Variants in GALNT18 observed in about 807,000 individuals in gnomAD.
The protein encoded by GALNT18 is GalNAc-transferase 18.
A neutral mutation model predicts 69.5 loss-of-function variants in GALNT18; 44 were observed. The ratio of observed to expected loss-of-function variants is 0.63; its 90% CI spans 0.50 to 0.81. GALNT18 has a LOEUF of 0.81. Among genes scored for constraint, GALNT18 ranks in the 40% least tolerant of loss-of-function variants. The probability of loss-of-function intolerance (pLI) is 0.00; values close to 1 mark genes in which losing one functional copy is unlikely to be tolerated. For missense variants in GALNT18, 715 were observed against 810.0 expected, an observed-to-expected ratio of 0.88 and a Z score of 1.42; for synonymous variants, 364 against 318.2, an observed-to-expected ratio of 1.14 and a Z score of -1.53.
chr11:11,315,068 GTGTA>G lies in GALNT18; in HGVS notation c.1512+12014_1512+12017del, dbSNP rs1444920588. On this transcript the variant is annotated intron_variant, in intron 9 of 10. Coordinates refer to ENST00000227756, the MANE Select transcript of GALNT18 (RefSeq NM_198516.3). This position sits in a 1 kb window ranked among gnomAD's most constrained non-coding sequence, Gnocchi z 5.6. ...TGTGTGTGTGTGTGTGTGTGTATGT[GTGTA>G]TATATGTGTACATACAGAAGTAAAT... Among the ~76,000 whole-genome samples, 50 of 150,520 alleles carry G rather than the reference GTGTA, an allele frequency of 3.3e-4. No individual in the cohort carries two copies. Among genetic ancestry groups the G allele is most frequent in the Admixed American group, 2.6e-3 (40 of 15,136 alleles).
chr11:11,533,692 G>A (rs1439111983), intron 1 of GALNT18, among the ~76,000 whole-genome samples: 1 of 152,032 alleles, frequency 6.6e-6, no homozygotes, highest in Non-Finnish European at 1.5e-5. Flanking sequence ...TTTTTTTCCT[G>A]CACTTTAAAT....
rs1859967384 is a variant in GALNT18 at position 11,613,608 on chromosome 11, C to T, written c.235+7751G>A. Among the ~76,000 whole-genome samples, 1 of 152,196 alleles carries T rather than the reference C, an allele frequency of 6.6e-6. No individual in the cohort carries two copies. Among genetic ancestry groups the T allele is most frequent in the African/African-American group, 2.4e-5 (1 of 41,448 alleles). The stretch of plus-strand genomic sequence containing the variant: ...AACATCAAGGACCCCTGGGCTCAAG[C>T]ATTGCATTACAGATGGAGCTGACTC... On this transcript the variant is annotated intron_variant, in intron 1 of 10. Coordinates refer to ENST00000227756, the MANE Select transcript of GALNT18 (RefSeq NM_198516.3). This position sits in a 1 kb window ranked among gnomAD's most constrained non-coding sequence, Gnocchi z 4.2.
Position 11,271,139 on chromosome 11 carries a change from G to A in GALNT18, c.*5C>T. 6.2e-7 allele frequency: 1 copy of A among 1,606,410 alleles called. No individual in the cohort carries two copies. The highest frequency in any genetic ancestry group is 8.5e-7 in the Non-Finnish European group (1 of 1,173,666). Reference sequence around the variant, plus strand: ...AAAGAGGCAGCCGGAAGTGGCCCCGGTGGGTCAGGACGCGAGGCTCCTCAG... The same window carrying A: ...AAAGAGGCAGCCGGAAGTGGCCCCGATGGGTCAGGACGCGAGGCTCCTCAG... On this transcript the variant is annotated 3_prime_UTR_variant, in exon 11 of 11. Coordinates refer to ENST00000227756, the MANE Select transcript of GALNT18 (RefSeq NM_198516.3).
chr11:11,281,248 C>T (rs1023168023), intron 10 of GALNT18, among the ~76,000 whole-genome samples: 11 of 151,990 alleles, frequency 7.2e-5, no homozygotes, highest in South Asian at 4.2e-4. Context: ...GCTTTCCTGG[C>T]GGTTAGCTGT....
intron 1 of GALNT18, among the ~76,000 whole-genome samples, chr11:11,529,973 G>C (rs1564996459): frequency 2.0e-5 from 3 of 152,174 alleles, no homozygotes; most frequent in Non-Finnish European, 4.4e-5. Context: ...ACTGAAGGGT[G>C]CTTGAGCAAG....
chr11:11,274,611 T>G (rs1269935635), intron 10 of GALNT18, among the ~76,000 whole-genome samples: 1 of 152,184 alleles, frequency 6.6e-6, no homozygotes, highest in African/African-American at 2.4e-5. Context: ...GCAGTTTTGT[T>G]ACATAGGTAT....
chr11:11,569,525 C>A (rs1044432105), intron 1 of GALNT18, among the ~76,000 whole-genome samples: 2 of 152,318 alleles, frequency 1.3e-5, no homozygotes, highest in South Asian at 4.1e-4. Flanking sequence ...GACCATGGAA[C>A]CTCTGCCCAA....
chr11:11,427,934 C>G (rs1320071916), intron 3 of GALNT18, among the ~76,000 whole-genome samples: 1 of 152,170 alleles, frequency 6.6e-6, no homozygotes, highest in Non-Finnish European at 1.5e-5. Flanking sequence ...AAAACCTAAG[C>G]CCAGAGACCC....
At chr11:11,304,364 G>C (rs1193631947) in intron 9 of GALNT18, among the ~76,000 whole-genome samples, 2 of 152,148 alleles carry the variant, frequency 1.3e-5, no homozygotes, top group Non-Finnish European at 2.9e-5. Flanking sequence ...AATACAGTTA[G>C]CTTGTTCATT....
At position 11,621,286 on chromosome 11, in the gene GALNT18, C is replaced by A; in HGVS notation, c.235+73G>T. 1.6e-6 allele frequency: 2 copies of A among 1,277,626 alleles called. No individual in the cohort carries two copies. The highest frequency in any genetic ancestry group is 1.3e-5 in the South Asian group (1 of 77,618). The allele number at this position is 1,277,626 out of a possible 1,614,324, so 79.1% of individuals were successfully genotyped here. A position where few individuals can be genotyped will look rare whatever the true frequency, so the allele number is the denominator to read the frequency against. On this transcript the variant is annotated intron_variant, in intron 1 of 10. Coordinates refer to ENST00000227756, the MANE Select transcript of GALNT18 (RefSeq NM_198516.3). This position sits in a 1 kb window ranked among gnomAD's most constrained non-coding sequence, Gnocchi z 9.3. ...CCGTGGCTGAGTTGATGCGCACCAGCCCCAGCGCACCCCGCGCCGCGCGGG... is the reference window on the plus strand; with the variant it reads ...CCGTGGCTGAGTTGATGCGCACCAGACCCAGCGCACCCCGCGCCGCGCGGG...
At chr11:11,384,117 A>C (rs189508619) in intron 3 of GALNT18, among the ~76,000 whole-genome samples, 1 of 152,222 alleles carries the variant, frequency 6.6e-6, no homozygotes, top group Non-Finnish European at 1.5e-5. Context: ...TGCTGTGATT[A>C]TAACTGTAAA....
intron 10 of GALNT18, among the ~76,000 whole-genome samples, chr11:11,277,396 CT>C (rs372645818): frequency 4.6e-5 from 7 of 151,764 alleles, no homozygotes; most frequent in Admixed American, 3.9e-4. Context: ...TGATTCTTCT[CT>C]TTTTTTTGTT....
intron 6 of GALNT18, chr11:11,352,212 T>C: frequency 6.2e-7 from 1 of 1,613,894 alleles, no homozygotes; most frequent in Non-Finnish European, 8.5e-7. Context: ...TCGCAGCAGT[T>C]TGTCCAGGAA....
chr11:11,398,602 A>G (rs17365300), intron 3 of GALNT18, among the ~76,000 whole-genome samples: 16,934 of 152,268 alleles, frequency 0.11, 1,081 homozygotes, highest in Non-Finnish European at 0.13. Context: ...AAATGAACAC[A>G]TACACAGTGC....
intron 10 of GALNT18, among the ~76,000 whole-genome samples, chr11:11,284,821 C>A (rs1316978834): frequency 2.8e-5 from 2 of 72,504 alleles, no homozygotes; most frequent in Non-Finnish European, 6.1e-5. Context: ...TAAAGAAACC[C>A]TGAGATTAAG....
chr11:11,517,549 A>G (rs909297723), intron 1 of GALNT18, among the ~76,000 whole-genome samples: 6 of 152,244 alleles, frequency 3.9e-5, no homozygotes, highest in African/African-American at 1.4e-4. Context: ...TTATCCCCAG[A>G]AAACTAAAGA....
intron 10 of GALNT18, among the ~76,000 whole-genome samples, chr11:11,274,628 G>GCAAACCA (rs1848899315): frequency 6.6e-6 from 1 of 152,196 alleles, no homozygotes; most frequent in African/African-American, 2.4e-5. Context: ...GTATATGCAT[G>GCAAACCA]CCATGGTGGT....
In GALNT18 at chr11:11,485,268, C is replaced by T. The variant is rs566528251; in HGVS notation, c.236-36332G>A. On this transcript the variant is annotated intron_variant, in intron 1 of 10. Transcript: ENST00000227756. ...TGAGGGCTAAGTCCCACAAGACTGC[C>T]TCCACTTCAGATGCTGCTTGCAAGT... is the stretch of plus-strand genomic sequence containing the variant. Among the ~76,000 whole-genome samples, 4 of 152,332 alleles carry T rather than the reference C, an allele frequency of 2.6e-5. No homozygotes were observed. In the South Asian group the frequency reaches 8.3e-4, roughly 32 times the overall value.
At chr11:11,512,446 C>A (rs541238938) in intron 1 of GALNT18, among the ~76,000 whole-genome samples, 1 of 152,306 alleles carries the variant, frequency 6.6e-6, no homozygotes, top group African/African-American at 2.4e-5. Context: ...AGGAAAGCAT[C>A]CAATCCTGTG....
Sources: allele counts gnomAD v4.1 joint callset (sites outside exome capture counted in the v4.1 genomes callset), GRCh38; gene constraint gnomAD v4.1.1; non-coding constraint Gnocchi (gnomAD v3.1); transcripts MANE v1.5; gene names NCBI Gene and HGNC (gene_info 2026-07-23, HGNC 2026-07-21).